RBM6: variants seen among roughly 807,000 people sequenced by gnomAD.
RBM6 encodes RNA binding motif protein 6.
A neutral mutation model predicts 140.4 loss-of-function variants in RBM6; 23 were observed. The observed-to-expected ratio is 0.16, with a 90% CI of 0.12 to 0.23. The LOEUF (loss-of-function observed/expected upper bound fraction) is 0.23. Among genes scored for constraint, RBM6 ranks in the 10% least tolerant of loss-of-function variants. RBM6 has a pLI of 1.00. For synonymous variants in RBM6, 439 were observed against 475.6 expected (o/e 0.92, Z 1.00); for missense variants, 1,139 against 1,386.7 (o/e 0.82, Z 2.84).
At chr3:50,057,619 G>A (rs903081237) in intron 8 of RBM6, 109 bp from the exon 9 acceptor site, 6 of 687,198 alleles carry the variant, frequency 8.7e-6, no homozygotes, top group East Asian at 3.1e-5. Context: ...AGGCATTCCA[G>A]TATGAGTATT....
chr3:50,070,535 C>T lies in RBM6; in HGVS notation c.3099C>T (p.Tyr1033=). 1.2e-6 allele frequency: 2 copies of T among 1,613,380 alleles called. No individual in the cohort carries two copies. Among genetic ancestry groups the T allele is most frequent in the Non-Finnish European group, 1.7e-6 (2 of 1,179,430 alleles). Residue 1033 remains tyrosine (Y), a synonymous_variant, in exon 19 of 21, where the codon TAC becomes TAT. Coordinates refer to ENST00000266022, the MANE Select transcript of RBM6 (RefSeq NM_005777.3). The part of the protein sequence containing the change: ...FDSPERKRIK[Y]SRETDSDRKL... ...CTCCAGAAAGGAAACGGATTAAGTACTCCAGGGAAACTGACAGGTAAGCCA... is the reference window on the plus strand; with the variant it reads ...CTCCAGAAAGGAAACGGATTAAGTATTCCAGGGAAACTGACAGGTAAGCCA...
chr3:49,968,613 G>T lies in RBM6; in HGVS notation c.1188G>T (p.Arg396=), dbSNP rs201562699. ...KEEGGLDFLG[R]QDTDYRSMEY... is the part of the protein sequence containing the mutation. ...AAGGCGGTCTGGACTTTCTTGGGCG[G>T]CAAGACACCGATTACAGAAGCATGG... Residue 396 remains arginine (R), a synonymous_variant, in exon 3 of 21, where the codon CGG becomes CGT. Transcript: ENST00000266022. 114 of 1,614,128 alleles carry T rather than the reference G, an allele frequency of 7.1e-5. No individual in the cohort carries two copies. The highest frequency in any genetic ancestry group is 1.0e-4 in the Admixed American group (6 of 59,996).
rs1365684515 is a variant in RBM6, at chr3:49,968,075, A to G, written c.650A>G (p.Asn217Ser). 5 of 1,614,080 alleles carry G rather than the reference A, an allele frequency of 3.1e-6. No individual in the cohort carries two copies. In the African/African-American group the frequency reaches 5.3e-5, roughly 17 times the overall value. The change falls in exon 3 of 21, where the codon AAT becomes AGT. Residue 217 changes from asparagine to serine, a missense_variant. Transcript: ENST00000266022. Reference sequence around the variant, plus strand: ...GAACAGTCCCGTTCTGATTTTAGGAATAGAGATGTATCTGATTTGGACTTT... The same window carrying G: ...GAACAGTCCCGTTCTGATTTTAGGAGTAGAGATGTATCTGATTTGGACTTT... The part of the protein sequence containing the change: ...AREQSRSDFR[N>S]RDVSDLDFRD...
At chr3:50,018,825 G>A (rs1362418423) in intron 6 of RBM6, among the ~76,000 whole-genome samples, 1 of 151,842 alleles carries the variant, frequency 6.6e-6, no homozygotes, top group Non-Finnish European at 1.5e-5. Flanking sequence ...TTGTGACCTC[G>A]TGATTCGTCC....
chr3:49,942,931 A>G (rs1278777101), intron 1 of RBM6, among the ~76,000 whole-genome samples: 1 of 152,138 alleles, frequency 6.6e-6, no homozygotes, highest in Non-Finnish European at 1.5e-5. Context: ...TTAATCTCTA[A>G]TCTACTTTGT....
intron 1 of RBM6, among the ~76,000 whole-genome samples, chr3:49,958,163 C>T (rs1328504193): frequency 2.0e-5 from 3 of 152,168 alleles, no homozygotes; most frequent in South Asian, 2.1e-4. Context: ...CAGTGGCTCA[C>T]GCCTGTAATC....
intron 5 of RBM6, among the ~76,000 whole-genome samples, chr3:49,987,827 T>C (rs960474726): frequency 2.6e-5 from 4 of 152,064 alleles, no homozygotes; most frequent in Non-Finnish European, 5.9e-5. Context: ...TTTGTAGAGA[T>C]GGGGTTTTGC....
chr3:49,995,351 T>C (rs1008671315), intron 5 of RBM6, among the ~76,000 whole-genome samples: 4 of 151,906 alleles, frequency 2.6e-5, no homozygotes, highest in Non-Finnish European at 5.9e-5. Context: ...AGCTCAGGAG[T>C]TCGAGACCAG....
chr3:50,051,582 G>A (rs767829570), intron 7 of RBM6, among the ~76,000 whole-genome samples: 5 of 152,158 alleles, frequency 3.3e-5, no homozygotes, highest in East Asian at 1.9e-4. Flanking sequence ...CAGAGGTTGC[G>A]GTGAGCTGAA....
intron 5 of RBM6, among the ~76,000 whole-genome samples, chr3:49,996,593 G>A (rs1559564813): frequency 6.6e-6 from 1 of 152,060 alleles, no homozygotes; most frequent in East Asian, 1.9e-4. Context: ...GAAGAATTTT[G>A]GGAGCTAGTA....
At chr3:50,040,968 A>G (rs1474656026) in intron 6 of RBM6, among the ~76,000 whole-genome samples, 1 of 152,082 alleles carries the variant, frequency 6.6e-6, no homozygotes, top group Non-Finnish European at 1.5e-5. Context: ...TGAGACCCTG[A>G]CTTCTGCCAG....
At chr3:50,066,598 C>A (rs922025136) in intron 17 of RBM6, 96 bp downstream of exon 17, 1 of 1,446,176 alleles carries the variant, frequency 6.9e-7, no homozygotes, top group Non-Finnish European at 9.3e-7. Context: ...GAGGCCGAGG[C>A]GGGTGGATTG....
chr3:50,065,309 G>A (rs975365482), intron 16 of RBM6, among the ~76,000 whole-genome samples, 183 bp downstream of exon 16: 3 of 152,114 alleles, frequency 2.0e-5, no homozygotes, highest in Admixed American at 2.0e-4. Flanking sequence ...TCTGCTAATG[G>A]GGGTATTACT....
At chr3:50,074,098 G>C (rs763050765) in intron 19 of RBM6, among the ~76,000 whole-genome samples, 3 of 151,934 alleles carry the variant, frequency 2.0e-5, no homozygotes, top group African/African-American at 4.8e-5. Flanking sequence ...CAAAGTGCTG[G>C]GATTACAGGC....
At chr3:50,041,512 G>A (rs774021190) in intron 6 of RBM6, among the ~76,000 whole-genome samples, 30 of 152,156 alleles carry the variant, frequency 2.0e-4, no homozygotes, top group Admixed American at 8.5e-4. Context: ...GTACCATAAA[G>A]AATGAGCCTG....
chr3:50,015,589 C>G (rs1205960706), intron 6 of RBM6, among the ~76,000 whole-genome samples: 1 of 151,528 alleles, frequency 6.6e-6, no homozygotes, highest in Non-Finnish European at 1.5e-5. Flanking sequence ...TGCCACCACG[C>G]CCGGCTAATT....
chr3:50,006,325 G>A (rs1318996160), intron 6 of RBM6, among the ~76,000 whole-genome samples: 1 of 151,730 alleles, frequency 6.6e-6, no homozygotes, highest in Non-Finnish European at 1.5e-5. Flanking sequence ...CAGTAGAAAT[G>A]GGGTTTCACC....
At chr3:49,975,200 A>G (rs2085008769) in intron 4 of RBM6, 123 bp from the exon 5 acceptor site, 3 of 819,946 alleles carry the variant, frequency 3.7e-6, no homozygotes, top group Middle Eastern at 5.8e-4. Flanking sequence ...TTCATAGTTT[A>G]ACTTTGCTTT....
chr3:50,058,859 T>C (rs1324329934), intron 10 of RBM6: 1 of 191,064 alleles, frequency 5.2e-6, no homozygotes, highest in Non-Finnish European at 1.1e-5. Flanking sequence ...GAGCTTGCAG[T>C]GAGCCGAGAT....
Sources: gnomAD v4.1 joint callset for allele counts (sites outside exome capture counted in the v4.1 genomes callset) on GRCh38, gnomAD v4.1.1 for gene constraint, MANE v1.5 for transcripts, NCBI Gene and HGNC (gene_info 2026-07-23, HGNC 2026-07-21) for gene names.